UBOX5: variants seen among roughly 807,000 people sequenced by gnomAD.
UBOX5 encodes RING finger protein 37.
In UBOX5, 28 loss-of-function variants were observed where a neutral mutation model predicts 39.0. The ratio of observed to expected loss-of-function variants is 0.72; its 90% CI spans 0.53 to 0.98. The LOEUF is 0.98. UBOX5 is among the 50% of genes least tolerant of loss of function. UBOX5 has a pLI of 0.00. For synonymous variants in UBOX5, 283 were observed against 275.5 expected, an observed-to-expected ratio of 1.03 and a Z score of -0.27; for missense variants, 585 against 674.4, an observed-to-expected ratio of 0.87 and a Z score of 1.47.
At chr20:3,144,049 A>C (rs2066540260) in intron 1 of UBOX5, among the ~76,000 whole-genome samples, 1 of 152,218 alleles carries the variant, frequency 6.6e-6, no homozygotes, top group Admixed American at 6.5e-5. Context: ...ATAAATTAAA[A>C]GATATATACC....
rs900981452 is a variant in UBOX5, at chr20:3,120,297, A to C, written c.1255+1087T>G. Among the ~76,000 whole-genome samples the C allele has an allele frequency of 3.3e-5, 5 of 150,446 alleles. No homozygotes were observed. In the South Asian group the frequency reaches 6.3e-4, roughly 19 times the overall value. ...GGGAGGCGGAGGTTGCAGTGAGCCA[A>C]TATCACGCCACTGCACTCCAGCCTG... On this transcript the variant is annotated intron_variant, in intron 3 of 4. Coordinates refer to ENST00000217173, the MANE Select transcript of UBOX5 (RefSeq NM_014948.4).
chr20:3,152,100 CAAAAAAAAA>C lies in UBOX5; in HGVS notation c.-42+7657_-42+7665del, dbSNP rs60655157. Among the ~76,000 whole-genome samples, 18 of 62,886 alleles carry C rather than the reference CAAAAAAAAA, an allele frequency of 2.9e-4. No individual in the cohort carries two copies. The South Asian group carries it at 9.9e-3, about 35-fold the overall frequency. 41.3% of individuals were successfully genotyped at this position (62,886 alleles called of 152,430 possible). On this transcript the variant is annotated intron_variant, in intron 1 of 4. Coordinates refer to ENST00000217173, the MANE Select transcript of UBOX5 (RefSeq NM_014948.4). The stretch of plus-strand genomic sequence containing the variant: ...AGCCTGGGTGACAGAGACTCTGTCT[CAAAAAAAAA>C]AAAAAAAAAAAAAGAACCAAAAAAA...
In UBOX5 at chr20:3,125,945, G is replaced by A. The variant is rs866083899; in HGVS notation, c.-41-2539C>T. Among the ~76,000 whole-genome samples the A allele has an allele frequency of 2.6e-5, 4 of 152,370 alleles. No homozygotes were observed. In the South Asian group the frequency reaches 8.3e-4, roughly 32 times the overall value. On this transcript the variant is annotated intron_variant, in intron 1 of 4. Coordinates refer to ENST00000217173, the MANE Select transcript of UBOX5 (RefSeq NM_014948.4). The stretch of plus-strand genomic sequence containing the variant: ...CGTCTGGGAAGTGAGGAGTGCCTCT[G>A]CCTGGCCGCTGTGCAATCTTCCAAG...
chr20:3,137,192 G>C (rs1440228280), intron 1 of UBOX5, among the ~76,000 whole-genome samples: 1 of 138,240 alleles, frequency 7.2e-6, no homozygotes, highest in Admixed American at 7.1e-5. Context: ...TGATCCACCT[G>C]CCTCGGCCTC....
At position 3,147,890 on chromosome 20, in the gene UBOX5, A is replaced by G. The variant is rs754914937; in HGVS notation, c.-42+11876T>C. The G allele has an allele frequency of 6.2e-6, 10 of 1,614,242 alleles. No homozygotes were observed. The highest frequency in any genetic ancestry group is 1.7e-5 in the Admixed American group (1 of 60,026). On this transcript the variant is annotated intron_variant, in intron 1 of 4. Transcript: ENST00000217173. ...GGCCGAGCAGTAAAGAGTCAGGTGC[A>G]TGACACCTTGAACTCCCAGGGAAGG...
chr20:3,132,817 C>CAA (rs11331937), intron 1 of UBOX5, among the ~76,000 whole-genome samples: 6 of 124,522 alleles, frequency 4.8e-5, no homozygotes, highest in Admixed American at 1.6e-4. Flanking sequence ...GGGACTGTCT[C>CAA]AAAAAAAAAA....
Position 3,109,868 on chromosome 20 carries a change from AG to A in UBOX5, c.*237del, listed in dbSNP as rs906278746. 30 of 581,066 alleles carry A rather than the reference AG, an allele frequency of 5.2e-5. No individual in the cohort carries two copies. The highest frequency in any genetic ancestry group is 1.5e-4 in the African/African-American group (8 of 53,390). 36.0% of individuals were successfully genotyped at this position (581,066 alleles called of 1,614,324 possible). On this transcript the variant is annotated 3_prime_UTR_variant, in exon 5 of 5. Transcript: ENST00000217173. ...GCTCCAGTGGGTCCTGGGCTCAGGC[AG>A]GGGGGGTGGCAGGGAGGCAGGGACA...
intron 1 of UBOX5, among the ~76,000 whole-genome samples, chr20:3,143,248 G>A (rs1317409446): frequency 6.6e-6 from 1 of 151,550 alleles, no homozygotes; most frequent in African/African-American, 2.4e-5. Flanking sequence ...TTGCTAAGGT[G>A]TGTGCCACCA....
intron 1 of UBOX5, among the ~76,000 whole-genome samples, chr20:3,151,559 A>C (rs1234354621): frequency 6.6e-6 from 1 of 152,176 alleles, no homozygotes; most frequent in Non-Finnish European, 1.5e-5. Flanking sequence ...AAGCTGAGGC[A>C]GAAGGATTGC....
chr20:3,146,864 G>A (rs769863884), intron 1 of UBOX5: 3 of 1,614,182 alleles, frequency 1.9e-6, no homozygotes, highest in Non-Finnish European at 2.5e-6. Context: ...TTCCCAGTAG[G>A]ATAACTCTAC....
chr20:3,142,175 A>C (rs551924487), intron 1 of UBOX5, among the ~76,000 whole-genome samples: 2 of 151,954 alleles, frequency 1.3e-5, no homozygotes, highest in Non-Finnish European at 2.9e-5. Context: ...AAAAAAAAAA[A>C]AAAAGGTCAG....
chr20:3,147,556 T>C (rs2066578664), intron 1 of UBOX5: 1 of 1,614,160 alleles, frequency 6.2e-7, no homozygotes. Context: ...CAAACTTAGT[T>C]CTCTCCTGAG....
At position 3,110,704 on chromosome 20, in the gene UBOX5, G is replaced by A. The variant is rs781078516; in HGVS notation, c.1418-390C>T. On this transcript the variant is annotated intron_variant, in intron 4 of 4. Coordinates refer to ENST00000217173, the MANE Select transcript of UBOX5 (RefSeq NM_014948.4). ...GCAAGAAATGTGAGAGGCGACAAGA[G>A]AAGGAAAAGGCAGGTCAGTGGGGTG... is the stretch of plus-strand genomic sequence containing the variant. The A allele has an allele frequency of 1.1e-5, 3 of 280,332 alleles. No homozygotes were observed. The South Asian group carries it at 1.2e-4, about 11-fold the overall frequency. The allele number at this position is 280,332 out of a possible 1,614,324, so 17.4% of individuals were successfully genotyped here. A position where few individuals can be genotyped will look rare whatever the true frequency, so the allele number is the denominator to read the frequency against.
At chr20:3,117,600 C>A (rs1246778359) in intron 3 of UBOX5, among the ~76,000 whole-genome samples, 1 of 152,156 alleles carries the variant, frequency 6.6e-6, no homozygotes, top group Non-Finnish European at 1.5e-5. Context: ...AGGAGAATTG[C>A]TAGAATCCAG....
At chr20:3,129,560 C>A (rs1366637203) in intron 1 of UBOX5, among the ~76,000 whole-genome samples, 2 of 152,146 alleles carry the variant, frequency 1.3e-5, no homozygotes, top group Non-Finnish European at 2.9e-5. Flanking sequence ...CCCTCACCAC[C>A]CCCTGCAAAT....
chr20:3,148,458 C>A, intron 1 of UBOX5: 1 of 1,614,128 alleles, frequency 6.2e-7, no homozygotes, highest in South Asian at 1.1e-5. Context: ...TTGATCAGAT[C>A]TTGGGTATCA....
At chr20:3,139,215 C>T (rs1198756908) in intron 1 of UBOX5, among the ~76,000 whole-genome samples, 1 of 152,098 alleles carries the variant, frequency 6.6e-6, no homozygotes, top group Non-Finnish European at 1.5e-5. Flanking sequence ...GTTGTCCCAG[C>T]CCATCCCACA....
chr20:3,146,007 T>C (rs897700609), intron 1 of UBOX5, among the ~76,000 whole-genome samples: 5 of 150,702 alleles, frequency 3.3e-5, no homozygotes, highest in Admixed American at 2.7e-4. Flanking sequence ...GATCGCGCCA[T>C]TGCTCTCCAA....
intron 1 of UBOX5, among the ~76,000 whole-genome samples, chr20:3,127,646 G>A (rs565837317): frequency 2.3e-3 from 351 of 152,014 alleles, no homozygotes; most frequent in Middle Eastern, 0.017. Context: ...TTCCACATGC[G>A]CTCCTGCGTG....
Sources: allele counts gnomAD v4.1 joint callset (sites outside exome capture counted in the v4.1 genomes callset), GRCh38; gene constraint gnomAD v4.1.1; transcripts MANE v1.5; gene names NCBI Gene and HGNC (gene_info 2026-07-23, HGNC 2026-07-21).